Variants in CD9 observed in about 807,000 individuals in gnomAD.
CD9 encodes CD9 antigen.
Under a neutral mutation model 31.4 loss-of-function variants are expected in CD9, and 10 were observed. That is an observed-to-expected ratio of 0.32 (90% CI 0.20 to 0.54). CD9 has a LOEUF of 0.54. Ranked by LOEUF, CD9 falls within the 20% of genes least tolerant of loss-of-function variation. The pLI, the probability that CD9 is intolerant of heterozygous loss-of-function variation, is 0.94. For missense variants in CD9, 259 were observed against 300.1 expected (o/e 0.86, Z 1.01); for synonymous variants, 113 against 114.1 (o/e 0.99, Z 0.06).
At chr12:6,235,889 A>T (rs1344208927) in intron 6 of CD9, 3 of 1,367,276 alleles carry the variant, frequency 2.2e-6, no homozygotes, top group Non-Finnish European at 2.8e-6. Flanking sequence ...AGCCAGAGTT[A>T]ATGTCCAACT....
At chr12:6,200,949 T>TGGGCCA in intron 1 of CD9, 1 of 182,890 alleles carries the variant, frequency 5.5e-6, no homozygotes, top group Middle Eastern at 2.2e-3. Flanking sequence ...CACCCCTCTT[T>TGGGCCA]GGGCCAAGGC....
In CD9 at chr12:6,233,419, G is replaced by A; in HGVS notation, c.281G>A (p.Gly94Asp). The change falls in exon 4 of 8, where the codon GGC (glycine) becomes GAC (aspartate). Residue 94 changes from glycine to aspartate, a missense_variant. Transcript: ENST00000009180. ...ESQCMLGLFF[G>D]FLLVIFAIEI... ...CCCCTCGTTGCCTTCCAGTTCTTCG[G>A]CTTCCTCTTGGTGATATTCGCCATT... 1 of 1,613,928 alleles carries A rather than the reference G, an allele frequency of 6.2e-7. No homozygotes were observed. The highest frequency in any genetic ancestry group is 8.5e-7 in the Non-Finnish European group (1 of 1,179,790).
At chr12:6,236,313 G>A in intron 7 of CD9, 38 bp downstream of exon 7, 2 of 1,570,850 alleles carry the variant, frequency 1.3e-6, no homozygotes, top group Non-Finnish European at 1.8e-6. Flanking sequence ...GGGGACTGAG[G>A]AGTTCACATT....
rs1326077125 is a variant in CD9 at position 6,210,867 on chromosome 12, T to A, written c.66+10302T>A. Among the ~76,000 whole-genome samples, 24 of 148,006 alleles carry A rather than the reference T, an allele frequency of 1.6e-4. 1 individual carries two copies. Among genetic ancestry groups the A allele is most frequent in the Admixed American group, 1.3e-3 (19 of 14,572 alleles). ...TTTTTTTTTTTTTTGAGAAGGAGTCTCGCTCTGTTGCCAGGCTGGAGTGCA... is the reference window on the plus strand; with the variant it reads ...TTTTTTTTTTTTTTGAGAAGGAGTCACGCTCTGTTGCCAGGCTGGAGTGCA... On this transcript the variant is annotated intron_variant, in intron 1 of 7. Coordinates refer to ENST00000009180, the MANE Select transcript of CD9 (RefSeq NM_001769.4).
In CD9 at chr12:6,233,420, C is replaced by A; in HGVS notation, c.282C>A (p.Gly94=). Residue 94 remains glycine (G), a synonymous_variant, in exon 4 of 8, where the codon GGC becomes GGA. Coordinates refer to ENST00000009180, the MANE Select transcript of CD9 (RefSeq NM_001769.4). ...CCCTCGTTGCCTTCCAGTTCTTCGGCTTCCTCTTGGTGATATTCGCCATTG... is the reference window on the plus strand; with the variant it reads ...CCCTCGTTGCCTTCCAGTTCTTCGGATTCCTCTTGGTGATATTCGCCATTG... ...ESQCMLGLFF[G]FLLVIFAIEI... 1.9e-6 allele frequency: 3 copies of A among 1,613,930 alleles called. No homozygotes were observed. Among genetic ancestry groups the A allele is most frequent in the Non-Finnish European group, 2.5e-6 (3 of 1,179,774 alleles).
chr12:6,230,029 G>A (rs1182579335), intron 2 of CD9, among the ~76,000 whole-genome samples: 1 of 152,184 alleles, frequency 6.6e-6, no homozygotes, highest in African/African-American at 2.4e-5. Flanking sequence ...AGCTTGGGGT[G>A]TAAGCGATGA....
chr12:6,203,275 T>C (rs1591960654), intron 1 of CD9, among the ~76,000 whole-genome samples: 1 of 151,926 alleles, frequency 6.6e-6, no homozygotes, highest in Admixed American at 6.6e-5. Flanking sequence ...GGGAGAAGGG[T>C]GGGAAGAAGC....
rs531896703 is a variant in CD9 at position 6,208,553 on chromosome 12, T to TG, written c.66+7988_66+7989insG. The stretch of plus-strand genomic sequence containing the variant: ...AAACCTATTCAAGGATTTTAGTTTT[T>TG]TTTGTTTGTTTGTTTGTTTTTGTTC... On this transcript the variant is annotated intron_variant, in intron 1 of 7. Coordinates refer to ENST00000009180, the MANE Select transcript of CD9 (RefSeq NM_001769.4). 9.2e-5 allele frequency among the ~76,000 whole-genome samples: 14 copies of TG among 152,328 alleles called. No individual in the cohort carries two copies. The East Asian group carries it at 2.5e-3, about 27-fold the overall frequency.
At chr12:6,214,342 CTCTTTTTTTTTTTTTTT>C (rs1338457628) in intron 1 of CD9, among the ~76,000 whole-genome samples, 1 of 71,072 alleles carries the variant, frequency 1.4e-5, no homozygotes, top group Non-Finnish European at 2.9e-5. Flanking sequence ...GACCATTAGC[CTCTTTTTTTTTTTTTTT>C]TTTTTTTTTG....
At position 6,232,966 on chromosome 12, in the gene CD9, T is replaced by A; in HGVS notation, c.273+237T>A. The A allele has an allele frequency of 1.4e-6, 1 of 702,452 alleles. No individual in the cohort carries two copies. The highest frequency in any genetic ancestry group is 2.6e-6 in the Non-Finnish European group (1 of 384,856). 43.5% of individuals were successfully genotyped at this position (702,452 alleles called of 1,614,324 possible). On this transcript the variant is annotated intron_variant, in intron 3 of 7. Coordinates refer to ENST00000009180, the MANE Select transcript of CD9 (RefSeq NM_001769.4). This position sits in a 1 kb window ranked among gnomAD's most constrained non-coding sequence, Gnocchi z 4.8. ...CTAAAAGGACTATGTTTCCCCCTTT[T>A]CTCGAGGACCACGTTTGCTTTTTTT...
chr12:6,228,483 C>T (rs972246084), intron 2 of CD9, among the ~76,000 whole-genome samples: 7 of 140,674 alleles, frequency 5.0e-5, no homozygotes, highest in Non-Finnish European at 9.0e-5. Flanking sequence ...ACCTGGGAGG[C>T]AGAGGTTGCA....
intron 1 of CD9, among the ~76,000 whole-genome samples, chr12:6,209,939 C>G (rs1175946081): frequency 6.6e-6 from 1 of 152,202 alleles, no homozygotes. Flanking sequence ...CCCACCTCGG[C>G]CTTCCAAAGT....
At chr12:6,227,200 T>A (rs554288093) in intron 2 of CD9, among the ~76,000 whole-genome samples, 16 of 150,754 alleles carry the variant, frequency 1.1e-4, no homozygotes, top group Admixed American at 2.6e-4. Flanking sequence ...TTTTTTATTT[T>A]TTTTATTTTT....
intron 1 of CD9, 160 bp downstream of exon 1, chr12:6,200,725 G>T: frequency 1.9e-6 from 1 of 528,824 alleles, no homozygotes; most frequent in South Asian, 2.5e-5. Context: ...TGGCTCCAAG[G>T]CCGGGTCCAG....
At chr12:6,222,390 T>C (rs952287399) in intron 1 of CD9, among the ~76,000 whole-genome samples, 3 of 152,224 alleles carry the variant, frequency 2.0e-5, no homozygotes, top group African/African-American at 7.2e-5. Flanking sequence ...TCCTCTCTTA[T>C]TGTGAGTTGT....
rs369296436 is a variant in CD9 at position 6,233,443 on chromosome 12, T to C, written c.305T>C (p.Ile102Thr). 17 of 1,614,052 alleles carry C rather than the reference T, an allele frequency of 1.1e-5. No homozygotes were observed. In the African/African-American group the frequency reaches 2.1e-4, roughly 20 times the overall value. The change falls in exon 4 of 8, where the codon ATT becomes ACT. Residue 102 changes from isoleucine to threonine, a missense_variant. Physicochemically the swap from Ile to Thr is moderately conservative, Grantham distance 89. Transcript: ENST00000009180. ...GGCTTCCTCTTGGTGATATTCGCCA[T>C]TGAAATAGCTGCGGCCATCTGGGGA... ...FFGFLLVIFAIEIAAAIWGYS... is the reference protein window; with the variant it reads ...FFGFLLVIFATEIAAAIWGYS...
chr12:6,220,148 G>C (rs1300160906), intron 1 of CD9, among the ~76,000 whole-genome samples: 2 of 152,196 alleles, frequency 1.3e-5, no homozygotes, highest in Non-Finnish European at 2.9e-5. Context: ...TGCTTGGCTT[G>C]CTCAGGGGTT....
At chr12:6,226,585 G>A (rs1946369442) in intron 2 of CD9, among the ~76,000 whole-genome samples, 1 of 152,158 alleles carries the variant, frequency 6.6e-6, no homozygotes, top group South Asian at 2.1e-4. Flanking sequence ...AACTGGGTAG[G>A]GAGAGTCTTT....
chr12:6,218,102 C>T (rs1946259989), intron 1 of CD9, among the ~76,000 whole-genome samples: 1 of 152,046 alleles, frequency 6.6e-6, no homozygotes, highest in Non-Finnish European at 1.5e-5. Context: ...TGGTGCACAC[C>T]TGTAGTCCCA....
Sources: allele counts gnomAD v4.1 joint callset (sites outside exome capture counted in the v4.1 genomes callset), GRCh38; gene constraint gnomAD v4.1.1; non-coding constraint Gnocchi (gnomAD v3.1); transcripts MANE v1.5; gene names NCBI Gene and HGNC (gene_info 2026-07-23, HGNC 2026-07-21).